MYRIP: variants seen among roughly 807,000 people sequenced by gnomAD.
MYRIP encodes rab effector MyRIP.
Under a neutral mutation model 98.0 loss-of-function variants are expected in MYRIP, and 49 were observed. The ratio of observed to expected loss-of-function variants is 0.50; its 90% CI spans 0.40 to 0.63. The LOEUF is 0.63. Ranked by LOEUF, MYRIP falls within the 30% of genes least tolerant of loss-of-function variation. MYRIP has a pLI of 0.00. For synonymous variants in MYRIP, 404 were observed against 409.5 expected, an observed-to-expected ratio of 0.99 and a Z score of 0.16; for missense variants, 1,004 against 1,058.2, an observed-to-expected ratio of 0.95 and a Z score of 0.71.
At chr3:40,206,571 C>T (rs1951798452) in intron 10 of MYRIP, among the ~76,000 whole-genome samples, 1 of 152,182 alleles carries the variant, frequency 6.6e-6, no homozygotes, top group Admixed American at 6.6e-5. Flanking sequence ...ATATCCACCT[C>T]AACCAACCAG....
intron 3 of MYRIP, among the ~76,000 whole-genome samples, chr3:40,142,049 T>TTTTTG (rs1949909405): frequency 7.8e-6 from 1 of 127,810 alleles, no homozygotes; most frequent in Admixed American, 7.7e-5. Context: ...TGCTGTTGAT[T>TTTTTG]TTTTTTTTTT....
chr3:39,997,985 C>G (rs1222352937), intron 2 of MYRIP, among the ~76,000 whole-genome samples: 2 of 152,150 alleles, frequency 1.3e-5, no homozygotes, highest in Non-Finnish European at 2.9e-5. Flanking sequence ...AATTCAACAA[C>G]CTTCATGCTA....
At position 40,233,969 on chromosome 3, in the gene MYRIP, C is replaced by A. The variant is rs1952742538; in HGVS notation, c.2016C>A (p.Val672=). 6.2e-7 allele frequency: 1 copy of A among 1,613,566 alleles called. No individual in the cohort carries two copies. ...GSTGPWESPQ[V]PPDRQKGMFP... ...CAGGGCCCTGGGAGTCCCCACAAGT[C>A]CCTCCTGACAGACAGAAGGGGATGT... Residue 672 remains valine, a synonymous_variant, in exon 12 of 17, where the codon GTC becomes GTA. Coordinates refer to ENST00000302541, the MANE Select transcript of MYRIP (RefSeq NM_015460.4).
intron 2 of MYRIP, among the ~76,000 whole-genome samples, chr3:39,907,049 A>T (rs1943896204): frequency 6.6e-6 from 1 of 151,918 alleles, no homozygotes; most frequent in Non-Finnish European, 1.5e-5. Flanking sequence ...ATTGGAGTGC[A>T]TTGGTCTCCC....
At chr3:40,100,415 T>C (rs557293173) in intron 3 of MYRIP, among the ~76,000 whole-genome samples, 1 of 152,254 alleles carries the variant, frequency 6.6e-6, no homozygotes, top group Non-Finnish European at 1.5e-5. Flanking sequence ...TTTAGCATTT[T>C]GCATATGCAT....
At chr3:39,883,177 G>T (rs1172222585) in intron 1 of MYRIP, among the ~76,000 whole-genome samples, 1 of 152,062 alleles carries the variant, frequency 6.6e-6, no homozygotes, top group Non-Finnish European at 1.5e-5. Context: ...CCTGGCAAGG[G>T]GAGAGATCCT....
At chr3:40,227,101 T>C (rs1952511485) in intron 11 of MYRIP, among the ~76,000 whole-genome samples, 1 of 152,212 alleles carries the variant, frequency 6.6e-6, no homozygotes, top group East Asian at 1.9e-4. Flanking sequence ...TCCTGACTGC[T>C]TCCCCCTCTG....
chr3:39,951,617 A>G (rs980347353), intron 2 of MYRIP, among the ~76,000 whole-genome samples: 4 of 152,126 alleles, frequency 2.6e-5, no homozygotes, highest in Admixed American at 2.6e-4. Context: ...TTTGAGTTTT[A>G]TATATGTAAT....
At position 39,996,411 on chromosome 3, in the gene MYRIP, C is replaced by A. The variant is rs184995744; in HGVS notation, c.111-47639C>A. On this transcript the variant is annotated intron_variant, in intron 2 of 16. Transcript: ENST00000302541. The stretch of plus-strand genomic sequence containing the variant: ...GTCTCTGATAAAACAGACTTTAAAC[C>A]AACAAAGATCAAAGGAGACAAAGAA... 1.8e-4 allele frequency among the ~76,000 whole-genome samples: 27 copies of A among 152,198 alleles called. No homozygotes were observed. The East Asian group carries it at 5.2e-3, about 29-fold the overall frequency.
intron 8 of MYRIP, among the ~76,000 whole-genome samples, chr3:40,171,955 G>C (rs1030108510): frequency 2.0e-5 from 3 of 152,252 alleles, no homozygotes; most frequent in African/African-American, 7.2e-5. Context: ...ATCTTAAGTA[G>C]TGGCAGGCAA....
intron 1 of MYRIP, among the ~76,000 whole-genome samples, chr3:39,851,981 T>C (rs577475013): frequency 6.6e-6 from 1 of 152,130 alleles, no homozygotes; most frequent in East Asian, 1.9e-4. Context: ...GGAGAGCCAT[T>C]TGTGGGCTAG....
intron 2 of MYRIP, among the ~76,000 whole-genome samples, chr3:39,983,630 C>T (rs1376672850): frequency 1.3e-5 from 2 of 152,146 alleles, no homozygotes; most frequent in African/African-American, 4.8e-5. Context: ...ACAGACAAAG[C>T]CTCTGCCCTT....
chr3:39,969,676 T>C (rs1945529125), intron 2 of MYRIP, among the ~76,000 whole-genome samples: 1 of 152,202 alleles, frequency 6.6e-6, no homozygotes, highest in African/African-American at 2.4e-5. Flanking sequence ...TGAAGCCTAC[T>C]TGATCATCGT....
intron 2 of MYRIP, among the ~76,000 whole-genome samples, chr3:39,945,915 G>A (rs1040740166): frequency 1.3e-5 from 2 of 151,932 alleles, no homozygotes; most frequent in African/African-American, 4.8e-5. Flanking sequence ...GAGGAAAAGG[G>A]AAAATTCTGT....
At chr3:40,067,003 T>A (rs1193633207) in intron 3 of MYRIP, among the ~76,000 whole-genome samples, 3 of 152,194 alleles carry the variant, frequency 2.0e-5, no homozygotes, top group Admixed American at 6.5e-5. Flanking sequence ...TTCTATAGTT[T>A]CCAAAGCTTT....
intron 2 of MYRIP, among the ~76,000 whole-genome samples, chr3:40,038,528 TAAAC>T (rs904214535): frequency 2.6e-5 from 4 of 151,918 alleles, no homozygotes; most frequent in African/African-American, 9.7e-5. Context: ...AAGGGACAAA[TAAAC>T]AATATTCTGA....
At chr3:40,134,747 ACCGCTGCTG>A (rs1949724871) in intron 3 of MYRIP, among the ~76,000 whole-genome samples, 1 of 152,216 alleles carries the variant, frequency 6.6e-6, no homozygotes, top group Non-Finnish European at 1.5e-5. Context: ...TTCTGCAGCC[ACCGCTGCTG>A]ATACCCAGGC....
Position 39,996,328 on chromosome 3 carries a change from A to C in MYRIP, c.111-47722A>C, listed in dbSNP as rs551157798. 1.1e-4 allele frequency among the ~76,000 whole-genome samples: 16 copies of C among 152,312 alleles called. No homozygotes were observed. The East Asian group carries it at 2.3e-3, about 22-fold the overall frequency. On this transcript the variant is annotated intron_variant, in intron 2 of 16. Transcript: ENST00000302541. Reference sequence around the variant, plus strand: ...ACACACATAGGCTCAAAATAAAGGGATGGAGGAAGATCTACCAAGCAAATG... The same window carrying C: ...ACACACATAGGCTCAAAATAAAGGGCTGGAGGAAGATCTACCAAGCAAATG...
intron 3 of MYRIP, among the ~76,000 whole-genome samples, chr3:40,130,734 G>A (rs541570893): frequency 6.6e-6 from 1 of 152,078 alleles, no homozygotes; most frequent in South Asian, 2.1e-4. Context: ...GTGTGTGTGT[G>A]TATCTCCAGA....
Sources: gnomAD v4.1 joint callset for allele counts (sites outside exome capture counted in the v4.1 genomes callset) on GRCh38, gnomAD v4.1.1 for gene constraint, MANE v1.5 for transcripts, NCBI Gene and HGNC (gene_info 2026-07-23, HGNC 2026-07-21) for gene names.